CCSER1: variants seen among roughly 807,000 people sequenced by gnomAD.
The protein encoded by CCSER1 is serine-rich coiled-coil domain-containing protein 1.
CCSER1 carries 41 observed loss-of-function variants against 82.0 expected under a neutral mutation model. The ratio of observed to expected loss-of-function variants is 0.50; its 90% CI spans 0.39 to 0.65. The LOEUF (loss-of-function observed/expected upper bound fraction) is 0.65, where lower values mean the gene tolerates loss of function less well. Among genes scored for constraint, CCSER1 ranks in the 30% least tolerant of loss-of-function variants. The pLI, the probability that CCSER1 is intolerant of heterozygous loss-of-function variation, is 0.00. For synonymous variants in CCSER1, 414 were observed against 383.9 expected (o/e 1.08, Z -0.92); for missense variants, 1,119 against 1,064.2 (o/e 1.05, Z -0.72).
intron 6 of CCSER1, among the ~76,000 whole-genome samples, chr4:90,689,528 T>C (rs1450888486): frequency 6.6e-6 from 1 of 152,188 alleles, no homozygotes; most frequent in Non-Finnish European, 1.5e-5. Context: ...TTATCATTCA[T>C]GCAGCACTTG....
intron 6 of CCSER1, among the ~76,000 whole-genome samples, chr4:90,684,262 G>A (rs1010067888): frequency 1.3e-4 from 20 of 152,020 alleles, no homozygotes; most frequent in South Asian, 4.1e-4. Context: ...GAGAGAATTA[G>A]GTTTGAAATA....
chr4:90,787,174 A>C (rs2149640852), intron 7 of CCSER1, among the ~76,000 whole-genome samples: 1 of 152,284 alleles, frequency 6.6e-6, no homozygotes, highest in East Asian at 1.9e-4. Context: ...TTATGGAAGC[A>C]TTCCTTCCTC....
chr4:91,165,334 A>G (rs1171425184), intron 10 of CCSER1, among the ~76,000 whole-genome samples: 1 of 152,186 alleles, frequency 6.6e-6, no homozygotes, highest in Non-Finnish European at 1.5e-5. Context: ...GCTTTGTCCC[A>G]GAGGGGTGCC....
At chr4:90,615,653 G>T (rs1349160732) in intron 5 of CCSER1, among the ~76,000 whole-genome samples, 2 of 149,776 alleles carry the variant, frequency 1.3e-5, no homozygotes, top group Non-Finnish European at 2.9e-5. Flanking sequence ...GTTGCTTCTT[G>T]TAGATGAGCA....
At chr4:90,176,473 A>G (rs1231394861) in intron 1 of CCSER1, among the ~76,000 whole-genome samples, 2 of 152,036 alleles carry the variant, frequency 1.3e-5, no homozygotes, top group African/African-American at 4.8e-5. Context: ...TGGAAACAGT[A>G]TTGAACATAC....
intron 10 of CCSER1, among the ~76,000 whole-genome samples, chr4:91,165,120 CG>C (rs1335045973): frequency 6.6e-6 from 1 of 152,010 alleles, no homozygotes; most frequent in Admixed American, 6.6e-5. Context: ...GGTTTTGGTT[CG>C]GATGTCCTTT....
At chr4:91,363,757 T>G (rs1022840990) in intron 10 of CCSER1, among the ~76,000 whole-genome samples, 22 of 151,824 alleles carry the variant, frequency 1.4e-4, no homozygotes, top group African/African-American at 4.1e-4. Context: ...GTACCTATTC[T>G]TTGATCAAGA....
chr4:90,498,062 A>G (rs947697721), intron 5 of CCSER1, among the ~76,000 whole-genome samples: 1 of 151,676 alleles, frequency 6.6e-6, no homozygotes, highest in African/African-American at 2.4e-5. Flanking sequence ...AGTAATCCCC[A>G]CTTATCCATG....
At chr4:91,465,869 C>T (rs1310340712) in intron 10 of CCSER1, among the ~76,000 whole-genome samples, 1 of 152,120 alleles carries the variant, frequency 6.6e-6, no homozygotes, top group Non-Finnish European at 1.5e-5. Context: ...TAAGAGCCTA[C>T]CAACCAAAAA....
At chr4:90,917,474 T>A (rs1318866849) in intron 8 of CCSER1, among the ~76,000 whole-genome samples, 2 of 152,120 alleles carry the variant, frequency 1.3e-5, no homozygotes, top group African/African-American at 4.8e-5. Flanking sequence ...TGAGAACACT[T>A]GGACCCAGGA....
chr4:91,034,782 G>A (rs1460722430), intron 9 of CCSER1, among the ~76,000 whole-genome samples: 2 of 151,970 alleles, frequency 1.3e-5, no homozygotes, highest in African/African-American at 4.8e-5. Context: ...GGCTAAAAAT[G>A]TTAGTTACAA....
intron 9 of CCSER1, among the ~76,000 whole-genome samples, chr4:90,947,273 A>G (rs1184114557): frequency 6.6e-6 from 1 of 152,302 alleles, no homozygotes; most frequent in South Asian, 2.1e-4. Context: ...GTCTTAATGA[A>G]AATATGGAAA....
intron 8 of CCSER1, chr4:90,911,199 A>T: frequency 2.3e-6 from 1 of 426,950 alleles, no homozygotes; most frequent in Admixed American, 2.9e-5. Flanking sequence ...TTTTCAAGTT[A>T]GCAATTTTCT....
At chr4:90,893,495 G>C (rs778179808) in intron 8 of CCSER1, among the ~76,000 whole-genome samples, 1 of 152,190 alleles carries the variant, frequency 6.6e-6, no homozygotes, top group Non-Finnish European at 1.5e-5. Context: ...CAAAAACAAG[G>C]AGATGGGAGG....
chr4:90,519,368 G>C (rs900594499), intron 5 of CCSER1, among the ~76,000 whole-genome samples: 1 of 151,794 alleles, frequency 6.6e-6, no homozygotes, highest in Non-Finnish European at 1.5e-5. Flanking sequence ...ATACAGTTGA[G>C]TGACAATTTA....
At chr4:91,434,221 A>G (rs1754504794) in intron 10 of CCSER1, among the ~76,000 whole-genome samples, 1 of 151,994 alleles carries the variant, frequency 6.6e-6, no homozygotes, top group Non-Finnish European at 1.5e-5. Flanking sequence ...TATTTGTGGA[A>G]TCGCTGGTAT....
chr4:91,522,278 G>A (rs958947459), intron 10 of CCSER1, among the ~76,000 whole-genome samples: 1 of 152,168 alleles, frequency 6.6e-6, no homozygotes, highest in Non-Finnish European at 1.5e-5. Context: ...TTTAGTTACT[G>A]TAGCCTTGTA....
In CCSER1 at chr4:90,815,829, A is replaced by G; in HGVS notation, c.2078A>G (p.Gln693Arg). 1.3e-6 allele frequency: 2 copies of G among 1,550,896 alleles called. No homozygotes were observed. The highest frequency in any genetic ancestry group is 1.7e-6 in the Non-Finnish European group (2 of 1,146,538). ...QLKEKDELISQLQEELGKVRH... is the reference protein window; with the variant it reads ...QLKEKDELISRLQEELGKVRH... The stretch of plus-strand genomic sequence containing the variant: ...AAAGAGAAGGATGAACTCATTTCCC[A>G]ACTTCAGGAAGAGCTGGTAAGTGAT... Residue 693 changes from glutamine to arginine, a missense_variant, in exon 8 of 11, where the codon CAA (glutamine) becomes CGA (arginine). Coordinates refer to ENST00000509176, the MANE Select transcript of CCSER1 (RefSeq NM_001145065.2).
intron 5 of CCSER1, among the ~76,000 whole-genome samples, chr4:90,516,629 A>ATC (rs1772315913): frequency 6.6e-6 from 1 of 152,198 alleles, no homozygotes; most frequent in South Asian, 2.1e-4. Flanking sequence ...GAGGCTGATC[A>ATC]TCTATTGCCT....
Sources: allele counts gnomAD v4.1 joint callset (sites outside exome capture counted in the v4.1 genomes callset), GRCh38; gene constraint gnomAD v4.1.1; transcripts MANE v1.5; gene names NCBI Gene and HGNC (gene_info 2026-07-23, HGNC 2026-07-21).